DAG1: variants seen among roughly 807,000 people sequenced by gnomAD.
DAG1 encodes the protein dystroglycan 1 (dystrophin-associated glycoprotein 1).
DAG1 carries 8 observed loss-of-function variants against 46.1 expected under a neutral mutation model. The ratio of observed to expected loss-of-function variants is 0.17; its 90% CI spans 0.10 to 0.31. The LOEUF (loss-of-function observed/expected upper bound fraction) is 0.31, where lower values mean the gene tolerates loss of function less well. Ranked by LOEUF, DAG1 falls within the 10% of genes least tolerant of loss-of-function variation. The probability of loss-of-function intolerance (pLI) is 1.00; values close to 1 mark genes in which losing one functional copy is unlikely to be tolerated. For missense variants in DAG1, 1,003 were observed against 1,189.9 expected (o/e 0.84, Z 2.31); for synonymous variants, 495 against 481.8 (o/e 1.03, Z -0.36).
chr3:49,500,288 G>A (rs1575371731), intron 1 of DAG1, among the ~76,000 whole-genome samples: 1 of 152,268 alleles, frequency 6.6e-6, no homozygotes, highest in Middle Eastern at 3.4e-3. Context: ...GGTATTACAG[G>A]CGTGAGCCAC....
chr3:49,478,966 A>G (rs1182483644), intron 1 of DAG1, among the ~76,000 whole-genome samples: 1 of 151,614 alleles, frequency 6.6e-6, no homozygotes, highest in Non-Finnish European at 1.5e-5. Context: ...GGTGCCCACC[A>G]TCACGCCGAG....
At chr3:49,523,049 T>A (rs2051077682) in intron 2 of DAG1, among the ~76,000 whole-genome samples, 2 of 152,236 alleles carry the variant, frequency 1.3e-5, no homozygotes, top group Non-Finnish European at 2.9e-5. Context: ...CAAACTCATG[T>A]GCCTCTGTGC....
intron 1 of DAG1, among the ~76,000 whole-genome samples, chr3:49,474,000 A>T (rs1487061704): frequency 6.8e-6 from 1 of 148,008 alleles, no homozygotes; most frequent in East Asian, 2.0e-4. Context: ...CAATCCTCCC[A>T]CCTCAGCATC....
chr3:49,511,909 A>G (rs2050769654), intron 2 of DAG1, among the ~76,000 whole-genome samples: 1 of 152,252 alleles, frequency 6.6e-6, no homozygotes, highest in East Asian at 1.9e-4. Flanking sequence ...TTTACAATAT[A>G]TAAATCAATG....
chr3:49,471,009 A>T (rs2049504318), intron 1 of DAG1: 1 of 152,174 alleles, frequency 6.6e-6, no homozygotes, highest in African/African-American at 2.4e-5. Context: ...CTCCACAGAA[A>T]ATGTCGTCTC....
chr3:49,496,325 G>T (rs987227393), intron 1 of DAG1, among the ~76,000 whole-genome samples: 2 of 148,088 alleles, frequency 1.4e-5, no homozygotes, highest in Non-Finnish European at 3.0e-5. Flanking sequence ...CCATGCCTAC[G>T]TACTTGGCCA....
At chr3:49,474,008 A>C (rs2049604359) in intron 1 of DAG1, among the ~76,000 whole-genome samples, 1 of 150,412 alleles carries the variant, frequency 6.6e-6, no homozygotes, top group Non-Finnish European at 1.5e-5. Flanking sequence ...CCACCTCAGC[A>C]TCCTGAGTAG....
intron 1 of DAG1, among the ~76,000 whole-genome samples, chr3:49,477,646 C>T (rs1321200490): frequency 1.3e-5 from 2 of 152,080 alleles, no homozygotes; most frequent in African/African-American, 4.8e-5. Context: ...ATAATACATA[C>T]ATTTAAGTAG....
rs150365056 is a variant in DAG1 at position 49,531,408 on chromosome 3, C to A, written c.897C>A (p.Ile299=). ...GCTACCCTGTGGTGGGTTGGCACAT[C>A]GCCAATAAGAAGCCCCCTCTTCCCA... ...QLGYPVVGWH[I]ANKKPPLPKR... is the part of the protein sequence containing the mutation. The change falls in exon 3 of 3, where the codon ATC becomes ATA. Residue 299 remains isoleucine (I), a synonymous_variant. Transcript: ENST00000308775. The surrounding 1 kb of genome is among the most constrained non-coding windows in gnomAD (Gnocchi z 7.0). The A allele has an allele frequency of 6.2e-7, 1 of 1,614,058 alleles. No homozygotes were observed. The highest frequency in any genetic ancestry group is 2.2e-5 in the East Asian group (1 of 44,864).
chr3:49,508,524 A>T (rs1482088262), intron 1 of DAG1, among the ~76,000 whole-genome samples: 2 of 151,818 alleles, frequency 1.3e-5, no homozygotes, highest in Non-Finnish European at 2.9e-5. Context: ...TCAGCCTCCT[A>T]AGTAGCTGCG....
Position 49,533,729 on chromosome 3 carries a change from A to C in DAG1, c.*530A>C, listed in dbSNP as rs927664026. 1 of 265,382 alleles carries C rather than the reference A, an allele frequency of 3.8e-6. No individual in the cohort carries two copies. Among genetic ancestry groups the C allele is most frequent in the African/African-American group, 2.3e-5 (1 of 43,726 alleles). 16.4% of individuals were successfully genotyped at this position (265,382 alleles called of 1,614,324 possible). ...CTGTTTACCTAAACTTGTATGTATA[A>C]TTTTTGGGTGGGTATGGGGAATTGC... On this transcript the variant is annotated 3_prime_UTR_variant, in exon 3 of 3. Transcript: ENST00000308775.
intron 1 of DAG1, among the ~76,000 whole-genome samples, chr3:49,493,659 G>A (rs7633243): frequency 0.016 from 2,456 of 152,306 alleles, 36 homozygotes; most frequent in Non-Finnish European, 0.025. Context: ...CATATCTCCA[G>A]GTATGTGCTG....
intron 1 of DAG1, among the ~76,000 whole-genome samples, chr3:49,508,110 T>C (rs1409840454): frequency 6.6e-6 from 1 of 151,834 alleles, no homozygotes; most frequent in Non-Finnish European, 1.5e-5. Context: ...TTTGTTTCAA[T>C]GGTTTTTCTC....
rs769921680 is a variant in DAG1, at chr3:49,531,904, A to G, written c.1393A>G (p.Lys465Glu). The G allele has an allele frequency of 1.9e-6, 3 of 1,614,160 alleles. No individual in the cohort carries two copies. Among genetic ancestry groups the G allele is most frequent in the East Asian group, 2.2e-5 (1 of 44,878 alleles). ...CCGGCCAGTGCCCCGGGTCACCACCAAAGTTTCCATCACCAGATTGGAAAC... is the reference window on the plus strand; with the variant it reads ...CCGGCCAGTGCCCCGGGTCACCACCGAAGTTTCCATCACCAGATTGGAAAC... ...TPRPVPRVTTKVSITRLETAS... is the reference protein window; with the variant it reads ...TPRPVPRVTTEVSITRLETAS... Residue 465 changes from lysine (K) to glutamate (E), a missense_variant, in exon 3 of 3, where the codon AAA (lysine) becomes GAA (glutamate). Transcript: ENST00000308775. The surrounding 1 kb of genome is among the most constrained non-coding windows in gnomAD (Gnocchi z 7.0).
intron 2 of DAG1, among the ~76,000 whole-genome samples, chr3:49,527,455 G>GAGCTTGCAGTGAGCCGGA (rs1553651646): frequency 6.6e-6 from 1 of 151,862 alleles, no homozygotes; most frequent in Non-Finnish European, 1.5e-5. Flanking sequence ...CCGGGAGGCG[G>GAGCTTGCAGTGAGCCGGA]AGCTTGCAGT....
At chr3:49,511,070 A>G in intron 2 of DAG1, 1 of 732,226 alleles carries the variant, frequency 1.4e-6, no homozygotes, top group South Asian at 6.2e-5. Flanking sequence ...AGTTCTACTG[A>G]ACACTGATTT....
Position 49,531,635 on chromosome 3 carries a change from C to T in DAG1, c.1124C>T (p.Ala375Val). 6.2e-7 allele frequency: 1 copy of T among 1,612,924 alleles called. No homozygotes were observed. The highest frequency in any genetic ancestry group is 8.5e-7 in the Non-Finnish European group (1 of 1,178,990). ...KPTVTIRTRGAIIQTPTLGPI... is the reference protein window; with the variant it reads ...KPTVTIRTRGVIIQTPTLGPI... ...ACGGTCACCATCCGGACTCGAGGCG[C>T]CATTATTCAAACCCCAACCCTAGGC... Residue 375 changes from alanine to valine, a missense_variant, in exon 3 of 3, where the codon GCC (alanine) becomes GTC (valine). By Grantham distance (64) the Ala-to-Val change is moderately conservative. Transcript: ENST00000308775. This position sits in a 1 kb window ranked among gnomAD's most constrained non-coding sequence, Gnocchi z 7.0.
intron 1 of DAG1, among the ~76,000 whole-genome samples, chr3:49,480,459 A>C (rs980601824): frequency 2.0e-5 from 3 of 149,572 alleles, no homozygotes; most frequent in Non-Finnish European, 4.5e-5. Flanking sequence ...GTATTTTTTT[A>C]GTAGAGACGG....
chr3:49,532,249 A>C lies in DAG1; in HGVS notation c.1738A>C (p.Thr580Pro). ...CAAACACGAGTATTTCATGCATGCC[A>C]CAGACAAGGGGGGCCTGTCGGCTGT... ...VGKHEYFMHATDKGGLSAVDA... is the reference protein window; with the variant it reads ...VGKHEYFMHAPDKGGLSAVDA... The change falls in exon 3 of 3, where the codon ACA (threonine) becomes CCA (proline). Residue 580 changes from threonine to proline, a missense_variant. By Grantham distance (38) the Thr-to-Pro change is conservative. This residue lies in a region of DAG1 where 755 missense variants were observed against 854.1 expected (regional missense o/e 0.88). Transcript: ENST00000308775. The surrounding 1 kb of genome is among the most constrained non-coding windows in gnomAD (Gnocchi z 5.4). 6.2e-7 allele frequency: 1 copy of C among 1,613,928 alleles called. No homozygotes were observed. The highest frequency in any genetic ancestry group is 8.5e-7 in the Non-Finnish European group (1 of 1,179,802).
Sources: allele counts gnomAD v4.1 joint callset (sites outside exome capture counted in the v4.1 genomes callset), GRCh38; gene constraint gnomAD v4.1.1; regional missense constraint gnomAD v4.1.1; non-coding constraint Gnocchi (gnomAD v3.1); transcripts MANE v1.5; gene names NCBI Gene and HGNC (gene_info 2026-07-23, HGNC 2026-07-21).